CADPS: variants seen among roughly 807,000 people sequenced by gnomAD.
CADPS encodes calcium dependent secretion activator, also known as calcium-dependent secretion activator 1.
CADPS carries 57 observed loss-of-function variants against 167.3 expected under a neutral mutation model. The observed-to-expected ratio is 0.34, with a 90% CI of 0.28 to 0.42. The LOEUF is 0.42. Among genes scored for constraint, CADPS ranks in the 20% least tolerant of loss-of-function variants. The pLI, the probability that CADPS is intolerant of heterozygous loss-of-function variation, is 1.00. For missense variants in CADPS, 1,414 were observed against 1,738.1 expected (o/e 0.81, Z 3.32); for synonymous variants, 676 against 635.3 (o/e 1.06, Z -0.96).
At chr3:62,752,831 T>C (rs754266368) in intron 3 of CADPS, among the ~76,000 whole-genome samples, 1 of 152,244 alleles carries the variant, frequency 6.6e-6, no homozygotes, top group Non-Finnish European at 1.5e-5. Flanking sequence ...ATGAATATAA[T>C]GCTAAGCTTA....
At position 62,478,409 on chromosome 3, in the gene CADPS, A is replaced by G; in HGVS notation, c.3181T>C (p.Ser1061Pro). 1 of 1,613,492 alleles carries G rather than the reference A, an allele frequency of 6.2e-7. No homozygotes were observed. Among genetic ancestry groups the G allele is most frequent in the Non-Finnish European group, 8.5e-7 (1 of 1,179,660 alleles). ...MAAIYDADNG[S>P]GTSEDLFWKL... ...CAAAACAGATCTTCTGAGGTGCCTG[A>G]CCCATTACTGGCAGGACAAAAATTA... Residue 1061 changes from serine to proline, a missense_variant, in exon 23 of 30, where the codon TCA (serine) becomes CCA (proline). By Grantham distance (74) the Ser-to-Pro change is moderately conservative (BLOSUM62 -1). Around this residue, in one of 6 missense-constraint regions of CADPS, gnomAD observed 529 missense variants for 629.6 expected, o/e 0.84. Coordinates refer to ENST00000383710, the MANE Select transcript of CADPS (RefSeq NM_003716.4). This position sits in a 1 kb window ranked among gnomAD's most constrained non-coding sequence, Gnocchi z 5.7.
At chr3:62,443,091 T>G (rs2056628010) in intron 27 of CADPS, among the ~76,000 whole-genome samples, 1 of 152,214 alleles carries the variant, frequency 6.6e-6, no homozygotes, top group African/African-American at 2.4e-5. Context: ...TGCACTAAAA[T>G]AATTACCACT....
chr3:62,606,890 G>T (rs60235871), intron 6 of CADPS, among the ~76,000 whole-genome samples: 1 of 152,146 alleles, frequency 6.6e-6, no homozygotes, highest in South Asian at 2.1e-4. Context: ...AGAATCGAAG[G>T]CCAGCCAGAT....
At chr3:62,492,181 C>G in intron 20 of CADPS, 109 bp downstream of exon 20, 1 of 909,608 alleles carries the variant, frequency 1.1e-6, no homozygotes, top group Non-Finnish European at 1.7e-6. Context: ...CATAATAAAA[C>G]CATGAAGAGC....
At chr3:62,700,241 GT>G (rs1305026238) in intron 3 of CADPS, among the ~76,000 whole-genome samples, 3 of 152,094 alleles carry the variant, frequency 2.0e-5, no homozygotes, top group Non-Finnish European at 4.4e-5. Flanking sequence ...CCTTCAAGAG[GT>G]GGAGCTTAAT....
intron 1 of CADPS, among the ~76,000 whole-genome samples, chr3:62,822,959 C>A (rs2073285867): frequency 6.6e-6 from 1 of 152,058 alleles, no homozygotes; most frequent in Admixed American, 6.6e-5. Context: ...AGATAAGGAA[C>A]CTAGATGTCA....
At chr3:62,596,174 C>A (rs2058905849) in intron 6 of CADPS, among the ~76,000 whole-genome samples, 1 of 145,930 alleles carries the variant, frequency 6.9e-6, no homozygotes, top group Non-Finnish European at 1.5e-5. Context: ...TCTGGAGAAC[C>A]CTAATACAAT....
intron 6 of CADPS, among the ~76,000 whole-genome samples, chr3:62,644,693 C>T (rs774748212): frequency 2.6e-5 from 4 of 152,118 alleles, no homozygotes; most frequent in Non-Finnish European, 4.4e-5. Context: ...ACCACAGGAC[C>T]TTTGCACAAG....
In CADPS at chr3:62,532,742, TG is replaced by T. The variant is rs1198351936; in HGVS notation, c.2291+128del. 2.0e-4 allele frequency: 131 copies of T among 655,244 alleles called. 2 individuals are homozygous for T. Among genetic ancestry groups the T allele is most frequent in the Middle Eastern group, 4.3e-4 (1 of 2,342 alleles). The allele number at this position is 655,244 out of a possible 1,614,324, so 40.6% of individuals were successfully genotyped here. A position where few individuals can be genotyped will look rare whatever the true frequency, so the allele number is the denominator to read the frequency against. ...TTGTGTGTGTGTGTGTGTGTGTGTG[TG>T]TGTGTGTACGTGTGCACATACCACC... On this transcript the variant is annotated intron_variant, in intron 13 of 29. Coordinates refer to ENST00000383710, the MANE Select transcript of CADPS (RefSeq NM_003716.4).
chr3:62,460,587 C>A (rs1347969241), intron 26 of CADPS, among the ~76,000 whole-genome samples: 5 of 152,172 alleles, frequency 3.3e-5, no homozygotes, highest in Admixed American at 6.5e-5. Context: ...GTTCTGTGAA[C>A]AGAAGTGAAT....
intron 1 of CADPS, among the ~76,000 whole-genome samples, chr3:62,814,120 T>C (rs2094506630): frequency 6.6e-6 from 1 of 152,188 alleles, no homozygotes; most frequent in East Asian, 1.9e-4. Context: ...TATTGGTAGA[T>C]GCTGAAAGTA....
chr3:62,710,555 G>T (rs2083203509), intron 3 of CADPS, among the ~76,000 whole-genome samples: 1 of 152,058 alleles, frequency 6.6e-6, no homozygotes, highest in African/African-American at 2.4e-5. Context: ...TGTGTAATAT[G>T]TTCAGCCTTC....
intron 1 of CADPS, among the ~76,000 whole-genome samples, chr3:62,777,636 G>A (rs562163315): frequency 6.6e-6 from 1 of 152,128 alleles, no homozygotes; most frequent in Non-Finnish European, 1.5e-5. Flanking sequence ...AACTGTTGGA[G>A]GTAGGGGGAT....
chr3:62,575,722 A>G (rs1316122049), intron 8 of CADPS, among the ~76,000 whole-genome samples: 6 of 152,224 alleles, frequency 3.9e-5, no homozygotes, highest in Non-Finnish European at 7.3e-5. Flanking sequence ...CCTTCCTTCT[A>G]GATGACAAAC....
At chr3:62,863,016 G>C (rs2081084184) in intron 1 of CADPS, among the ~76,000 whole-genome samples, 1 of 152,248 alleles carries the variant, frequency 6.6e-6, no homozygotes, top group South Asian at 2.1e-4. Context: ...AAATTGTAGA[G>C]AATATATATT....
At position 62,458,766 on chromosome 3, in the gene CADPS, C is replaced by A. The variant is rs2058995807; in HGVS notation, c.3636+6601G>T. On this transcript the variant is annotated intron_variant, in intron 26 of 29. Coordinates refer to ENST00000383710, the MANE Select transcript of CADPS (RefSeq NM_003716.4). The surrounding 1 kb of genome is among the most constrained non-coding windows in gnomAD (Gnocchi z 4.6). ...TGCCTCCCAAAGTGCTGGGAAATACCCATATTCTTTAGGTATTTCTTTTGT... is the reference window on the plus strand; with the variant it reads ...TGCCTCCCAAAGTGCTGGGAAATACACATATTCTTTAGGTATTTCTTTTGT... Among the ~76,000 whole-genome samples the A allele has an allele frequency of 6.6e-6, 1 of 152,088 alleles. No individual in the cohort carries two copies. The highest frequency in any genetic ancestry group is 1.5e-5 in the Non-Finnish European group (1 of 68,016).
intron 10 of CADPS, among the ~76,000 whole-genome samples, chr3:62,553,171 G>C (rs1005469187): frequency 6.6e-6 from 1 of 152,104 alleles, no homozygotes; most frequent in South Asian, 2.1e-4. Flanking sequence ...TAGCCCCAAG[G>C]CCTCCCCCTC....
intron 3 of CADPS, among the ~76,000 whole-genome samples, chr3:62,738,762 T>G (rs895446766): frequency 6.6e-6 from 1 of 152,152 alleles, no homozygotes; most frequent in African/African-American, 2.4e-5. Context: ...AAAAAATGAT[T>G]GCTTTTTCAT....
intron 19 of CADPS, 30 bp from the exon 20 acceptor site, chr3:62,492,476 A>G (rs1459348938): frequency 1.2e-6 from 2 of 1,605,474 alleles, no homozygotes; most frequent in East Asian, 4.5e-5. Context: ...AACAATAGAC[A>G]AAGAAGTGAT....
Sources: gnomAD v4.1 joint callset for allele counts (sites outside exome capture counted in the v4.1 genomes callset) on GRCh38, gnomAD v4.1.1 for gene constraint, gnomAD v4.1.1 regional missense constraint, Gnocchi (gnomAD v3.1) non-coding constraint, MANE v1.5 for transcripts, NCBI Gene and HGNC (gene_info 2026-07-23, HGNC 2026-07-21) for gene names.